The following DOCK5 variants were observed in gnomAD, a reference collection of about 807,000 sequenced individuals.
DOCK5 encodes dedicator of cytokinesis protein 5.
A neutral mutation model predicts 251.8 loss-of-function variants in DOCK5; 142 were observed. The observed-to-expected ratio is 0.56, with a 90% CI of 0.49 to 0.65. The LOEUF (loss-of-function observed/expected upper bound fraction) is 0.65, where lower values mean the gene tolerates loss of function less well. Ranked by LOEUF, DOCK5 falls within the 30% of genes least tolerant of loss-of-function variation. The pLI is 0.00. For missense variants in DOCK5, 2,111 were observed against 2,312.3 expected, an observed-to-expected ratio of 0.91 and a Z score of 1.79; for synonymous variants, 842 against 835.5, an observed-to-expected ratio of 1.01 and a Z score of -0.13.
intron 1 of DOCK5, among the ~76,000 whole-genome samples, chr8:25,223,832 C>G (rs541562270): frequency 6.6e-6 from 1 of 152,136 alleles, no homozygotes; most frequent in Admixed American, 6.5e-5. Flanking sequence ...TGTTAAACAG[C>G]GAGACCCTGT....
chr8:25,372,590 C>G lies in DOCK5; in HGVS notation c.3556C>G (p.Leu1186Val). The G allele has an allele frequency of 6.3e-7, 1 of 1,590,110 alleles. No individual in the cohort carries two copies. The highest frequency in any genetic ancestry group is 1.4e-5 in the African/African-American group (1 of 73,414). The change falls in exon 35 of 52, where the codon CTC becomes GTC. Residue 1186 changes from leucine to valine, a missense_variant. Coordinates refer to ENST00000276440, the MANE Select transcript of DOCK5 (RefSeq NM_024940.8). ...AGAACATTGCCGGAAACACAAATAC[C>G]TCTCCAGCTCTGGGGAGGTCTTCGC... is the stretch of plus-strand genomic sequence containing the variant. Reference protein sequence around the residue: ...LLEHCRKHKYLSSSGEVFALL... With the variant: ...LLEHCRKHKYVSSSGEVFALL...
chr8:25,216,141 C>T (rs919829093), intron 1 of DOCK5, among the ~76,000 whole-genome samples: 24 of 149,416 alleles, frequency 1.6e-4, no homozygotes, highest in South Asian at 8.5e-4. Context: ...TATGTCTATA[C>T]GTGTATACAA....
chr8:25,256,478 A>G (rs755260944), intron 2 of DOCK5, among the ~76,000 whole-genome samples: 1 of 152,056 alleles, frequency 6.6e-6, no homozygotes, highest in Non-Finnish European at 1.5e-5. Flanking sequence ...GTCTCTACTA[A>G]AAATACAAAA....
intron 37 of DOCK5, chr8:25,375,205 TTTGCTCCTCCCC>T: frequency 5.6e-6 from 1 of 177,836 alleles, no homozygotes; most frequent in Non-Finnish European, 1.2e-5. Context: ...TTTCTCACTC[TTTGCTCCTCCCC>T]AGCCCATCCT....
chr8:25,296,110 A>G (rs1301804523), intron 6 of DOCK5, among the ~76,000 whole-genome samples: 2 of 152,304 alleles, frequency 1.3e-5, no homozygotes, highest in Non-Finnish European at 2.9e-5. Context: ...GTGAACCACG[A>G]CGCCTGGCAA....
intron 2 of DOCK5, among the ~76,000 whole-genome samples, chr8:25,258,854 C>T (rs1294143928): frequency 6.6e-6 from 1 of 152,204 alleles, no homozygotes; most frequent in Non-Finnish European, 1.5e-5. Context: ...CACAGTGGCT[C>T]ACGCTTGTAA....
At chr8:25,307,234 T>C (rs1175624097) in intron 11 of DOCK5, among the ~76,000 whole-genome samples, 1 of 152,026 alleles carries the variant, frequency 6.6e-6, no homozygotes, top group African/African-American at 2.4e-5. Context: ...TTCTCCTGCC[T>C]CAGCCTCCTG....
intron 1 of DOCK5, among the ~76,000 whole-genome samples, chr8:25,215,095 C>G (rs1443571239): frequency 1.3e-5 from 2 of 152,076 alleles, no homozygotes; most frequent in Non-Finnish European, 2.9e-5. Flanking sequence ...CTGGGGGAAT[C>G]CTGGACTCCA....
intron 5 of DOCK5, among the ~76,000 whole-genome samples, chr8:25,287,323 G>A (rs1288817145): frequency 1.3e-5 from 2 of 152,140 alleles, no homozygotes; most frequent in Non-Finnish European, 1.5e-5. Context: ...CTACTTGGGA[G>A]GCTGAGGCAG....
At position 25,346,694 on chromosome 8, in the gene DOCK5, C is replaced by T. The variant is rs1360178974; in HGVS notation, c.2754+1083C>T. Among the ~76,000 whole-genome samples, 5 of 104,318 alleles carry T rather than the reference C, an allele frequency of 4.8e-5. 1 individual carries two copies. The highest frequency in any genetic ancestry group is 2.8e-4 in the Admixed American group (3 of 10,820). The allele number at this position is 104,318 out of a possible 152,430, so 68.4% of individuals were successfully genotyped here. ...CCAAAATTAGCTGGGCGTGGTGGCA[C>T]GCGCCTATAGTCCCAGCTACTCGGG... On this transcript the variant is annotated intron_variant, in intron 26 of 51. Coordinates refer to ENST00000276440, the MANE Select transcript of DOCK5 (RefSeq NM_024940.8).
At chr8:25,273,462 G>A (rs1474351037) in intron 3 of DOCK5, among the ~76,000 whole-genome samples, 2 of 152,192 alleles carry the variant, frequency 1.3e-5, no homozygotes, top group Non-Finnish European at 2.9e-5. Context: ...AATTAGCCGG[G>A]CATGGTGGTG....
At chr8:25,221,810 G>A (rs1264355418) in intron 1 of DOCK5, among the ~76,000 whole-genome samples, 1 of 152,184 alleles carries the variant, frequency 6.6e-6, no homozygotes, top group African/African-American at 2.4e-5. Flanking sequence ...AGAAAATGAA[G>A]GCTTAAAGAA....
chr8:25,238,575 G>T (rs568627233), intron 1 of DOCK5, among the ~76,000 whole-genome samples: 1 of 152,314 alleles, frequency 6.6e-6, no homozygotes, highest in Admixed American at 6.5e-5. Context: ...TTCTTGAAGG[G>T]ATGTGCTTCT....
chr8:25,230,025 A>G (rs996838237), intron 1 of DOCK5, among the ~76,000 whole-genome samples: 1 of 152,224 alleles, frequency 6.6e-6, no homozygotes, highest in African/African-American at 2.4e-5. Flanking sequence ...TGGATCTAGA[A>G]TTACCTTCAA....
rs368569076 is a variant in DOCK5, at chr8:25,395,553, G to A, written c.4538G>A (p.Ser1513Asn). The A allele has an allele frequency of 1.7e-5, 27 of 1,612,266 alleles. No individual in the cohort carries two copies. Among genetic ancestry groups the A allele is most frequent in the Non-Finnish European group, 2.2e-5 (26 of 1,179,562 alleles). Residue 1513 changes from serine (S) to asparagine (N), a missense_variant, in exon 45 of 52, where the codon AGT becomes AAT. Around this residue, in one of 3 missense-constraint regions of DOCK5, gnomAD observed 1,717 missense variants for 1,892.4 expected, o/e 0.91. Coordinates refer to ENST00000276440, the MANE Select transcript of DOCK5 (RefSeq NM_024940.8). ...EVKQISTEEI[S>N]PLENAIETME... Reference sequence around the variant, plus strand: ...TGCTCTGTCACTCAGGAAGAGATCAGTCCTCTGGAGAATGCCATCGAAACC... The same window carrying A: ...TGCTCTGTCACTCAGGAAGAGATCAATCCTCTGGAGAATGCCATCGAAACC...
chr8:25,276,160 A>G (rs751779052), intron 4 of DOCK5, among the ~76,000 whole-genome samples: 1 of 152,150 alleles, frequency 6.6e-6, no homozygotes, highest in African/African-American at 2.4e-5. Flanking sequence ...AGAGATGATT[A>G]AGCAACAGCC....
chr8:25,288,576 C>T (rs547031118), intron 5 of DOCK5, among the ~76,000 whole-genome samples: 2 of 152,282 alleles, frequency 1.3e-5, no homozygotes, highest in Admixed American at 1.3e-4. Flanking sequence ...AGAGGATCCC[C>T]GGAGCCTTTG....
At chr8:25,400,741 C>G (rs1801424910) in intron 46 of DOCK5, among the ~76,000 whole-genome samples, 188 bp from the exon 47 acceptor site, 1 of 152,154 alleles carries the variant, frequency 6.6e-6, no homozygotes, top group Non-Finnish European at 1.5e-5. Flanking sequence ...TCTTGGTGTG[C>G]ACATTTTCCC....
At chr8:25,405,119 T>G (rs1801501218) in intron 48 of DOCK5, among the ~76,000 whole-genome samples, 1 of 152,172 alleles carries the variant, frequency 6.6e-6, no homozygotes, top group Non-Finnish European at 1.5e-5. Context: ...TTCTCCTTTA[T>G]CTTTTGACTT....
Sources: gnomAD v4.1 joint callset for allele counts (sites outside exome capture counted in the v4.1 genomes callset) on GRCh38, gnomAD v4.1.1 for gene constraint, gnomAD v4.1.1 regional missense constraint, MANE v1.5 for transcripts, NCBI Gene and HGNC (gene_info 2026-07-23, HGNC 2026-07-21) for gene names.